The following MAP4K4 variants were observed in gnomAD, a reference collection of about 807,000 sequenced individuals.
The protein encoded by MAP4K4 is mitogen-activated protein kinase kinase kinase kinase 4, also known as HPK/GCK-like kinase HGK.
Under a neutral mutation model 189.6 loss-of-function variants are expected in MAP4K4, and 38 were observed. The observed-to-expected ratio is 0.20, with a 90% CI of 0.15 to 0.26. The LOEUF is 0.26. Among genes scored for constraint, MAP4K4 ranks in the 10% least tolerant of loss-of-function variants. The pLI is 1.00. For missense variants in MAP4K4, 1,054 were observed against 1,726.9 expected (o/e 0.61, Z 6.91); for synonymous variants, 610 against 624.3 (o/e 0.98, Z 0.34).
At chr2:101,876,460 T>C (rs1165095403) in intron 26 of MAP4K4, among the ~76,000 whole-genome samples, 2 of 152,214 alleles carry the variant, frequency 1.3e-5, no homozygotes, top group Non-Finnish European at 2.9e-5. Flanking sequence ...TACAGTTGTT[T>C]CTTGATGATG....
intron 2 of MAP4K4, among the ~76,000 whole-genome samples, chr2:101,755,452 A>C (rs1040967363): frequency 3.9e-5 from 6 of 152,122 alleles, no homozygotes; most frequent in African/African-American, 1.4e-4. Context: ...TGGAAGAAAA[A>C]AGCTTTACTG....
intron 2 of MAP4K4, among the ~76,000 whole-genome samples, chr2:101,741,351 G>A (rs1369237926): frequency 6.6e-6 from 1 of 151,820 alleles, no homozygotes; most frequent in African/African-American, 2.4e-5. Context: ...TGTATTTTTA[G>A]TAGAGACGGG....
At chr2:101,797,948 G>A (rs1260624693) in intron 3 of MAP4K4, among the ~76,000 whole-genome samples, 1 of 114,946 alleles carries the variant, frequency 8.7e-6, no homozygotes, top group Non-Finnish European at 1.6e-5. Context: ...AAGCTAGAGT[G>A]CACAAGTCTA....
chr2:101,779,283 T>C (rs949105088), intron 2 of MAP4K4, among the ~76,000 whole-genome samples: 4 of 152,152 alleles, frequency 2.6e-5, no homozygotes, highest in African/African-American at 9.7e-5. Context: ...CCTGTTCTTT[T>C]AGTTATGTAA....
chr2:101,834,261 C>A (rs1175322561), intron 7 of MAP4K4, 148 bp from the exon 8 acceptor site: 3 of 542,702 alleles, frequency 5.5e-6, no homozygotes, highest in East Asian at 8.6e-5. Context: ...CCCTCCGCTC[C>A]GTAAGTTCTA....
In MAP4K4 at chr2:101,831,627, T is replaced by C. The variant is rs1576419508; in HGVS notation, c.509-94T>C. 6.7e-6 allele frequency: 9 copies of C among 1,340,836 alleles called. No individual in the cohort carries two copies. In the East Asian group the frequency reaches 2.0e-4, roughly 30 times the overall value. The allele number at this position is 1,340,836 out of a possible 1,614,324, so 83.1% of individuals were successfully genotyped here. ...ATGAAGCACTGCTGTTTCAGTTTAC[T>C]ATGAAGACATTTCCTCCTTGTGTTT... On this transcript the variant is annotated intron_variant, in intron 6 of 32. Transcript: ENST00000324219.
At chr2:101,844,416 AC>A in intron 12 of MAP4K4, 105 bp downstream of exon 12, 2 of 871,150 alleles carry the variant, frequency 2.3e-6, no homozygotes, top group Non-Finnish European at 3.5e-6. Context: ...CTGGGGTAAT[AC>A]TTATCCCCTG....
At position 101,772,044 on chromosome 2, in the gene MAP4K4, T is replaced by C. The variant is rs546185792; in HGVS notation, c.124-18676T>C. 8.5e-5 allele frequency among the ~76,000 whole-genome samples: 13 copies of C among 152,368 alleles called. No homozygotes were observed. In the East Asian group the frequency reaches 2.3e-3, roughly 27 times the overall value. On this transcript the variant is annotated intron_variant, in intron 2 of 32. Coordinates refer to ENST00000324219, the Ensembl canonical transcript of MAP4K4. ...GCAAGGCCAGGCCTCTAGTAAGCCC[T>C]ATTGTCCCTGTGCTGTGTGATTGTT...
At chr2:101,858,883 A>T in intron 13 of MAP4K4, 113 bp from the exon 14 acceptor site, 1 of 706,456 alleles carries the variant, frequency 1.4e-6, no homozygotes, top group Non-Finnish European at 2.4e-6. Flanking sequence ...ATTTACCACT[A>T]AGTGAATTGT....
chr2:101,749,264 A>G (rs1373425739), intron 2 of MAP4K4, among the ~76,000 whole-genome samples: 11 of 151,782 alleles, frequency 7.2e-5, no homozygotes, highest in East Asian at 3.9e-4. Context: ...AAACTGTACT[A>G]CAAGGCTACA....
chr2:101,757,546 C>A (rs1411603387), intron 2 of MAP4K4, among the ~76,000 whole-genome samples: 4 of 152,220 alleles, frequency 2.6e-5, no homozygotes, highest in Admixed American at 2.0e-4. Flanking sequence ...TCAATAGATA[C>A]ATAAAATTTT....
In MAP4K4 at chr2:101,877,092, C is replaced by T. The variant is rs754790276; in HGVS notation, c.3331C>T (p.Arg1111Ter). ...GGTCTATCCTCTTATCAACCGAAGA[C>T]GATTTCAACAAATGGACGTACTTGA... The change falls in exon 27 of 33, where the codon CGA becomes TGA. Residue 1111 changes from arginine to a stop codon, truncating the protein, a stop_gained. Transcript: ENST00000324219. LOFTEE classifies it high-confidence loss of function. 6.2e-7 allele frequency: 1 copy of T among 1,613,894 alleles called. No individual in the cohort carries two copies. Among genetic ancestry groups the T allele is most frequent in the Non-Finnish European group, 8.5e-7 (1 of 1,179,834 alleles).
rs1252828994 is a variant in MAP4K4 at position 101,834,493 on chromosome 2, C to G, written c.694+30C>G. 30 of 1,574,404 alleles carry G rather than the reference C, an allele frequency of 1.9e-5. No homozygotes were observed. The Admixed American group carries it at 4.8e-4, about 25-fold the overall frequency. On this transcript the variant is annotated intron_variant, in intron 8 of 32. Coordinates refer to ENST00000324219, the Ensembl canonical transcript of MAP4K4. The stretch of plus-strand genomic sequence containing the variant: ...GTAACTTTCTTTTCTTTTTAGCTCA[C>G]TTGTTACATGTGACTTAAACCCCTC...
chr2:101,844,351 C>T, intron 12 of MAP4K4, 40 bp downstream of exon 12: 13 of 1,523,938 alleles, frequency 8.5e-6, no homozygotes, highest in African/African-American at 1.4e-5. Context: ...GGTCTTTTCT[C>T]TTTCTGCATT....
At chr2:101,783,826 G>C (rs2089137740) in intron 2 of MAP4K4, among the ~76,000 whole-genome samples, 1 of 152,156 alleles carries the variant, frequency 6.6e-6, no homozygotes. Context: ...CTTCTCTTTT[G>C]ATTTAGTGAG....
chr2:101,869,448 CTT>C (rs970660688), intron 21 of MAP4K4, among the ~76,000 whole-genome samples, 172 bp from the exon 22 acceptor site: 2 of 149,644 alleles, frequency 1.3e-5, no homozygotes, highest in Admixed American at 6.7e-5. Context: ...TCTCTCTTGA[CTT>C]TATTTGGTCT....
At chr2:101,697,958 G>T in exon 1 of MAP4K4, 1 of 412,788 alleles carries the variant, frequency 2.4e-6, no homozygotes. Context: ...GCCCCGCGAG[G>T]AGAGTACCGG....
intron 2 of MAP4K4, among the ~76,000 whole-genome samples, chr2:101,788,148 TC>T (rs1042333742): frequency 6.6e-6 from 1 of 151,794 alleles, no homozygotes; most frequent in African/African-American, 2.4e-5. Flanking sequence ...AGCACCCCAT[TC>T]CCTCCCCTTA....
At chr2:101,839,509 G>A (rs932948374) in intron 9 of MAP4K4, among the ~76,000 whole-genome samples, 4 of 152,112 alleles carry the variant, frequency 2.6e-5, no homozygotes, top group African/African-American at 9.7e-5. Flanking sequence ...CACCACTCCT[G>A]TTAATTAAGT....
Sources: allele counts gnomAD v4.1 joint callset (sites outside exome capture counted in the v4.1 genomes callset), GRCh38; gene constraint gnomAD v4.1.1; transcripts MANE v1.5; gene names NCBI Gene and HGNC (gene_info 2026-07-23, HGNC 2026-07-21).